The following TBC1D22A variants were observed in gnomAD, a reference collection of about 807,000 sequenced individuals.
The protein encoded by TBC1D22A is putative GTPase activator.
Under a neutral mutation model 60.2 loss-of-function variants are expected in TBC1D22A, and 38 were observed. The ratio of observed to expected loss-of-function variants is 0.63; its 90% confidence interval spans 0.49 to 0.83. The LOEUF is 0.83. TBC1D22A is among the 40% of genes least tolerant of loss of function. TBC1D22A has a pLI of 0.00. For missense variants in TBC1D22A, 628 were observed against 701.0 expected, an observed-to-expected ratio of 0.90 and a Z score of 1.18; for synonymous variants, 302 against 281.7, an observed-to-expected ratio of 1.07 and a Z score of -0.72.
At chr22:47,136,678 G>A (rs531131868) in intron 12 of TBC1D22A, among the ~76,000 whole-genome samples, 66 of 151,142 alleles carry the variant, frequency 4.4e-4, no homozygotes, top group African/African-American at 1.6e-3. Context: ...TAGGGATTCT[G>A]AGTGGCCTTT....
intron 1 of TBC1D22A, among the ~76,000 whole-genome samples, chr22:46,769,559 C>G (rs900514382): frequency 6.6e-6 from 1 of 152,180 alleles, no homozygotes; most frequent in Non-Finnish European, 1.5e-5. Flanking sequence ...CCGCCGAGAC[C>G]TGGCTGTACA....
chr22:46,965,306 G>GC, intron 8 of TBC1D22A, among the ~76,000 whole-genome samples: 1 of 152,340 alleles, frequency 6.6e-6, no homozygotes, highest in East Asian at 1.9e-4. Flanking sequence ...GGGGCGGGGT[G>GC]CCCCGCCCAT....
chr22:47,103,910 T>C (rs1459386665), intron 11 of TBC1D22A, among the ~76,000 whole-genome samples: 1 of 152,146 alleles, frequency 6.6e-6, no homozygotes, highest in African/African-American at 2.4e-5. Context: ...GGGATAACAT[T>C]ATATGACAAA....
At chr22:47,075,222 CAAA>C (rs386395628) in intron 11 of TBC1D22A, among the ~76,000 whole-genome samples, 4 of 114,142 alleles carry the variant, frequency 3.5e-5, no homozygotes, top group Non-Finnish European at 5.2e-5. Context: ...GATTCCGTCT[CAAA>C]AAAAAAAAAA....
chr22:46,980,028 A>G (rs1473374022), intron 9 of TBC1D22A, among the ~76,000 whole-genome samples: 1 of 152,102 alleles, frequency 6.6e-6, no homozygotes, highest in Non-Finnish European at 1.5e-5. Context: ...CCGGGAATAA[A>G]TGTTAGCGAT....
intron 6 of TBC1D22A, among the ~76,000 whole-genome samples, chr22:46,893,402 C>T (rs1310471662): frequency 2.0e-5 from 3 of 152,248 alleles, no homozygotes; most frequent in Non-Finnish European, 2.9e-5. Context: ...TGTGGAGGAC[C>T]GCCTCTCTAA....
At chr22:46,906,778 A>T (rs1569204126) in intron 7 of TBC1D22A, among the ~76,000 whole-genome samples, 3 of 132,882 alleles carry the variant, frequency 2.3e-5, no homozygotes. Context: ...TGGACCCTGA[A>T]CTGTGTGTGT....
chr22:47,083,128 T>A (rs1437104547), intron 11 of TBC1D22A, among the ~76,000 whole-genome samples: 1 of 152,000 alleles, frequency 6.6e-6, no homozygotes, highest in East Asian at 1.9e-4. Flanking sequence ...TAATCAAGAG[T>A]AATAGAAATC....
At chr22:47,113,058 C>T (rs1051953776) in intron 12 of TBC1D22A, among the ~76,000 whole-genome samples, 1 of 152,246 alleles carries the variant, frequency 6.6e-6, no homozygotes, top group African/African-American at 2.4e-5. Flanking sequence ...GGCTCTCCAT[C>T]TGTGCAGAGA....
intron 4 of TBC1D22A, among the ~76,000 whole-genome samples, chr22:46,855,996 C>T (rs998468681): frequency 6.6e-6 from 1 of 152,158 alleles, no homozygotes. Context: ...GGCGTGTGCT[C>T]GCTGGCCTCC....
Position 47,058,673 on chromosome 22 carries a change from G to T in TBC1D22A, c.1329+21475G>T, listed in dbSNP as rs566190819. On this transcript the variant is annotated intron_variant, in intron 11 of 12. Transcript: ENST00000337137. ...AGGCAGGGCTCAGAGAGATGTCCAG[G>T]TGGACAGGCTGGGTCCCTGGAGAGC... Among the ~76,000 whole-genome samples the T allele has an allele frequency of 2.6e-5, 4 of 152,170 alleles. No individual in the cohort carries two copies. The South Asian group carries it at 8.3e-4, about 32-fold the overall frequency.
At chr22:47,152,025 C>T (rs946970101) in intron 12 of TBC1D22A, among the ~76,000 whole-genome samples, 1 of 152,158 alleles carries the variant, frequency 6.6e-6, no homozygotes, top group African/African-American at 2.4e-5. Context: ...GGTGGCAGCC[C>T]GTGTGAGGGT....
intron 8 of TBC1D22A, chr22:46,915,606 G>C (rs758917980): frequency 2.2e-6 from 1 of 456,594 alleles, no homozygotes; most frequent in Admixed American, 2.3e-5. Flanking sequence ...TCTTTTCTTT[G>C]AAGTACAGGA....
chr22:47,038,211 G>T (rs1369194485), intron 11 of TBC1D22A, among the ~76,000 whole-genome samples: 2 of 152,232 alleles, frequency 1.3e-5, no homozygotes, highest in African/African-American at 4.8e-5. Flanking sequence ...GAAGCGTATG[G>T]CTGGTTTTCA....
At chr22:47,065,409 G>C (rs1234879542) in intron 11 of TBC1D22A, among the ~76,000 whole-genome samples, 3 of 152,222 alleles carry the variant, frequency 2.0e-5, no homozygotes, top group Non-Finnish European at 4.4e-5. Flanking sequence ...CAGTCTCACA[G>C]GTGGGCTCTG....
intron 8 of TBC1D22A, among the ~76,000 whole-genome samples, chr22:46,955,507 G>A (rs370205149): frequency 2.0e-5 from 3 of 152,194 alleles, no homozygotes; most frequent in South Asian, 4.1e-4. Flanking sequence ...ACACGTTTTC[G>A]TTTGTGTGTG....
chr22:47,059,784 A>G (rs1363336619), intron 11 of TBC1D22A, among the ~76,000 whole-genome samples: 1 of 152,126 alleles, frequency 6.6e-6, no homozygotes, highest in Non-Finnish European at 1.5e-5. Flanking sequence ...TGGCATTTAG[A>G]CTTTACGGTA....
intron 8 of TBC1D22A, among the ~76,000 whole-genome samples, chr22:46,922,629 A>G (rs992164261): frequency 1.2e-4 from 19 of 152,114 alleles, no homozygotes; most frequent in Non-Finnish European, 2.6e-4. Context: ...TGTAATTCTC[A>G]TTGTAGAGAT....
chr22:46,977,623 T>C (rs2074353872), intron 9 of TBC1D22A, among the ~76,000 whole-genome samples: 1 of 152,182 alleles, frequency 6.6e-6, no homozygotes, highest in Non-Finnish European at 1.5e-5. Context: ...AAGAAGTGCC[T>C]GAGACTGGGT....
Sources: allele counts gnomAD v4.1 joint callset (sites outside exome capture counted in the v4.1 genomes callset), GRCh38; gene constraint gnomAD v4.1.1; transcripts MANE v1.5; gene names NCBI Gene and HGNC (gene_info 2026-07-23, HGNC 2026-07-21).